Variants in GNAQ observed in about 807,000 individuals in gnomAD.
GNAQ encodes the protein guanine nucleotide-binding protein G(q) subunit alpha.
GNAQ carries 8 observed loss-of-function variants against 43.9 expected under a neutral mutation model. The ratio of observed to expected loss-of-function variants is 0.18; its 90% CI spans 0.11 to 0.33. The LOEUF (loss-of-function observed/expected upper bound fraction) is 0.33. GNAQ is among the 10% of genes least tolerant of loss of function. The pLI is 1.00. For missense variants in GNAQ, 158 were observed against 450.8 expected (o/e 0.35, Z 5.88); for synonymous variants, 155 against 170.7 (o/e 0.91, Z 0.71).
intron 2 of GNAQ, among the ~76,000 whole-genome samples, chr9:77,873,858 C>A (rs1379862073): frequency 6.6e-6 from 1 of 152,142 alleles, no homozygotes; most frequent in Non-Finnish European, 1.5e-5. Flanking sequence ...GTAATCCCAG[C>A]ACTTTGGGAG....
chr9:77,798,642 C>G lies in GNAQ; in HGVS notation c.477-994G>C, dbSNP rs1488232791. On this transcript the variant is annotated intron_variant, in intron 3 of 6. Transcript: ENST00000286548. ...CTCAAGTCCTCCATATAAAATGGAA[C>G]AGTATTTGCATATAATGTATGCATA... Among the ~76,000 whole-genome samples, 10 of 152,132 alleles carry G rather than the reference C, an allele frequency of 6.6e-5. No individual in the cohort carries two copies. In the South Asian group the frequency reaches 1.9e-3, roughly 28 times the overall value.
chr9:77,956,735 G>A (rs534547050), intron 1 of GNAQ, among the ~76,000 whole-genome samples: 53 of 152,262 alleles, frequency 3.5e-4, no homozygotes, highest in Admixed American at 7.8e-4. Flanking sequence ...GGAGGTGGAG[G>A]GGACCATTTC....
intron 5 of GNAQ, among the ~76,000 whole-genome samples, chr9:77,729,820 G>A (rs1825460258): frequency 6.6e-6 from 1 of 152,170 alleles, no homozygotes; most frequent in Admixed American, 6.5e-5. Context: ...GTACACCAGA[G>A]CATCCTAGTT....
intron 5 of GNAQ, among the ~76,000 whole-genome samples, chr9:77,736,483 T>C (rs913553714): frequency 6.6e-6 from 1 of 152,192 alleles, no homozygotes; most frequent in Admixed American, 6.5e-5. Context: ...TTATTTGAGA[T>C]CAAATTTGGC....
rs145171922 is a variant in GNAQ, at chr9:77,815,711, T to C, written c.381A>G (p.Pro127=). Residue 127 remains proline, a synonymous_variant, in exon 3 of 7, where the codon CCA becomes CCG. Transcript: ENST00000286548. ...DVEKVSAFEN[P]YVDAIKSLWN... is the part of the protein sequence containing the mutation. ...ATAAACTCTTTATTGCATCTACATA[T>C]GGATTCTCAAAAGCAGACACCTTCT... 45 of 1,601,816 alleles carry C rather than the reference T, an allele frequency of 2.8e-5. No individual in the cohort carries two copies. In the African/African-American group the frequency reaches 4.7e-4, roughly 17 times the overall value.
At chr9:77,900,690 G>A (rs1277166451) in intron 2 of GNAQ, among the ~76,000 whole-genome samples, 1 of 152,060 alleles carries the variant, frequency 6.6e-6, no homozygotes, top group Admixed American at 6.5e-5. Context: ...ACCACACCTG[G>A]CTTCTCCATG....
At chr9:77,777,478 T>TA (rs1826320724) in intron 5 of GNAQ, among the ~76,000 whole-genome samples, 1 of 151,906 alleles carries the variant, frequency 6.6e-6, no homozygotes, top group South Asian at 2.1e-4. Flanking sequence ...AAGAACCAAA[T>TA]AAAAAATAGA....
chr9:77,911,226 T>G (rs750963245), intron 2 of GNAQ, among the ~76,000 whole-genome samples: 1 of 152,178 alleles, frequency 6.6e-6, no homozygotes. Context: ...AAGCATAAGC[T>G]GGGGGAACAT....
At chr9:77,987,174 G>C (rs980629637) in intron 1 of GNAQ, among the ~76,000 whole-genome samples, 11 of 152,010 alleles carry the variant, frequency 7.2e-5, no homozygotes, top group Non-Finnish European at 1.6e-4. Flanking sequence ...TCCATATGAA[G>C]TTCTGCTTTA....
At chr9:77,852,367 A>G (rs1197973278) in intron 2 of GNAQ, among the ~76,000 whole-genome samples, 2 of 152,236 alleles carry the variant, frequency 1.3e-5, no homozygotes, top group African/African-American at 4.8e-5. Flanking sequence ...GCTCCAAGGC[A>G]TAAGTGCTTT....
chr9:77,955,810 C>A (rs1823034033), intron 1 of GNAQ, among the ~76,000 whole-genome samples: 1 of 152,184 alleles, frequency 6.6e-6, no homozygotes, highest in South Asian at 2.1e-4. Context: ...TCTAGTATAA[C>A]TCTGACTAAA....
chr9:77,747,288 G>T (rs531657892), intron 5 of GNAQ, among the ~76,000 whole-genome samples: 1 of 152,256 alleles, frequency 6.6e-6, no homozygotes, highest in South Asian at 2.1e-4. Context: ...CAACAAAGCA[G>T]CAGACAAGCT....
At chr9:77,950,711 A>G (rs1297450685) in intron 1 of GNAQ, among the ~76,000 whole-genome samples, 2 of 152,210 alleles carry the variant, frequency 1.3e-5, no homozygotes, top group African/African-American at 4.8e-5. Context: ...ACTTTTTATG[A>G]AAGAAACCAG....
intron 2 of GNAQ, among the ~76,000 whole-genome samples, chr9:77,853,799 A>AC (rs1554720795): frequency 6.7e-6 from 1 of 150,124 alleles, no homozygotes; most frequent in Non-Finnish European, 1.5e-5. Context: ...AAAAAAAAAA[A>AC]ACCCACAGGC....
chr9:77,899,018 T>C (rs1414528587), intron 2 of GNAQ, among the ~76,000 whole-genome samples: 1 of 152,212 alleles, frequency 6.6e-6, no homozygotes, highest in Non-Finnish European at 1.5e-5. Flanking sequence ...TACTTCCTTA[T>C]TGATAGATAT....
chr9:77,827,937 G>A (rs1187656970), intron 2 of GNAQ, among the ~76,000 whole-genome samples: 1 of 151,300 alleles, frequency 6.6e-6, no homozygotes, highest in Non-Finnish European at 1.5e-5. Flanking sequence ...GCAGGCACCT[G>A]TAGTCCCAGC....
rs367772978 is a variant in GNAQ at position 77,857,595 on chromosome 9, T to C, written c.322-41825A>G. On this transcript the variant is annotated intron_variant, in intron 2 of 6. Coordinates refer to ENST00000286548, the MANE Select transcript of GNAQ (RefSeq NM_002072.5). ...GAAGGAAGGGTAGAAAAGAGAAGGG[T>C]AGGGAAGGAAAGGAGAGGAAGGTGG... 1.8e-4 allele frequency among the ~76,000 whole-genome samples: 19 copies of C among 107,016 alleles called. No homozygotes were observed. In the East Asian group the frequency reaches 2.0e-3, roughly 11 times the overall value. 70.2% of individuals were successfully genotyped at this position (107,016 alleles called of 152,430 possible).
intron 2 of GNAQ, among the ~76,000 whole-genome samples, chr9:77,844,723 A>C (rs576720365): frequency 1.3e-5 from 2 of 151,986 alleles, no homozygotes; most frequent in Non-Finnish European, 2.9e-5. Context: ...CTGAGGCTGG[A>C]GTGCAATGGC....
At chr9:77,999,146 T>C (rs866608539) in intron 1 of GNAQ, among the ~76,000 whole-genome samples, 11 of 132,692 alleles carry the variant, frequency 8.3e-5, no homozygotes, top group Middle Eastern at 4.1e-3. Flanking sequence ...GAATTTGTAA[T>C]AGAGGGTCAA....
Sources: allele counts gnomAD v4.1 joint callset (sites outside exome capture counted in the v4.1 genomes callset), GRCh38; gene constraint gnomAD v4.1.1; transcripts MANE v1.5; gene names NCBI Gene and HGNC (gene_info 2026-07-23, HGNC 2026-07-21).